Variants in SYN3 observed in about 807,000 individuals in gnomAD.
The protein encoded by SYN3 is synapsin III.
A neutral mutation model predicts 65.8 loss-of-function variants in SYN3; 35 were observed. That is an observed-to-expected ratio of 0.53 (90% CI 0.41 to 0.70). The LOEUF is 0.70. Among genes scored for constraint, SYN3 ranks in the 30% least tolerant of loss-of-function variants. The pLI is 0.00. For missense variants in SYN3, 680 were observed against 749.0 expected, an observed-to-expected ratio of 0.91 and a Z score of 1.08; for synonymous variants, 270 against 292.9, an observed-to-expected ratio of 0.92 and a Z score of 0.80.
At chr22:32,761,932 G>C (rs2045492506) in intron 6 of SYN3, among the ~76,000 whole-genome samples, 2 of 152,154 alleles carry the variant, frequency 1.3e-5, no homozygotes, top group Non-Finnish European at 2.9e-5. Context: ...CTGAAAACGG[G>C]GTCCTGCGGG....
Position 32,689,941 on chromosome 22 carries a change from C to T in SYN3, c.712-93205G>A, listed in dbSNP as rs773959263. 5.4e-3 allele frequency among the ~76,000 whole-genome samples: 819 copies of T among 152,082 alleles called. 9 individuals carry two copies. Among genetic ancestry groups the T allele is most frequent in the Middle Eastern group, 0.041 (12 of 294 alleles). ...CTGTAATCCCAGCATTTTGGGAAGC[C>T]GAGGCAGGAGGATTACCTGAGGTCA... On this transcript the variant is annotated intron_variant, in intron 6 of 13. Transcript: ENST00000358763.
At chr22:33,018,943 C>T (rs148752288) in intron 1 of SYN3, among the ~76,000 whole-genome samples, 1 of 152,310 alleles carries the variant, frequency 6.6e-6, no homozygotes, top group East Asian at 1.9e-4. Context: ...TCTTCAGCAT[C>T]ATCCCCTCCT....
intron 6 of SYN3, among the ~76,000 whole-genome samples, chr22:32,745,062 CGGG>C (rs67666935): frequency 0.045 from 6,811 of 152,154 alleles, 528 homozygotes; most frequent in African/African-American, 0.15. Context: ...ACTCTTCTGA[CGGG>C]TTAGGAATGA....
In SYN3 at chr22:32,685,403, G is replaced by A. The variant is rs368402752; in HGVS notation, c.712-88667C>T. ...GAAATATAGTCATGTGCCACATAAC[G>A]ACACTGTAGTCAGTGATGAACCGCA... On this transcript the variant is annotated intron_variant, in intron 6 of 13. Transcript: ENST00000358763. 4.2e-3 allele frequency among the ~76,000 whole-genome samples: 642 copies of A among 152,302 alleles called. 3 individuals carry two copies. The highest frequency in any genetic ancestry group is 0.014 in the African/African-American group (580 of 41,548).
intron 3 of SYN3, among the ~76,000 whole-genome samples, chr22:32,949,465 C>T (rs549339509): frequency 4.0e-5 from 6 of 151,872 alleles, no homozygotes; most frequent in South Asian, 2.1e-4. Flanking sequence ...TTTGGATTTT[C>T]GGACTTGGGA....
At chr22:32,829,531 C>T (rs959589782) in intron 6 of SYN3, among the ~76,000 whole-genome samples, 1 of 152,242 alleles carries the variant, frequency 6.6e-6, no homozygotes, top group Non-Finnish European at 1.5e-5. Context: ...GCATCCCCAC[C>T]GCAGCAGGGC....
intron 6 of SYN3, among the ~76,000 whole-genome samples, chr22:32,789,557 C>T (rs2046272534): frequency 6.6e-6 from 1 of 152,174 alleles, no homozygotes. Flanking sequence ...AAGAAATGAA[C>T]CTCAAACACA....
At chr22:33,007,693 G>C (rs970015486) in intron 1 of SYN3, among the ~76,000 whole-genome samples, 10 of 152,208 alleles carry the variant, frequency 6.6e-5, no homozygotes, top group African/African-American at 9.6e-5. Flanking sequence ...CTGACACCCT[G>C]ACCTTGGACT....
In SYN3 at chr22:32,518,105, G is replaced by A. The variant is rs755328764; in HGVS notation, c.1548C>T (p.Gly516=). The A allele has an allele frequency of 1.9e-6, 3 of 1,584,088 alleles. No individual in the cohort carries two copies. The highest frequency in any genetic ancestry group is 2.3e-5 in the South Asian group (2 of 85,188). ...LASQPRPPVQ[G]RSTSQQGEES... Reference sequence around the variant, plus strand: ...CTTCACCCTGCTGGGAGGTACTACGGCCCTGCACAGGGGGCCGGGGCTGTG... The same window carrying A: ...CTTCACCCTGCTGGGAGGTACTACGACCCTGCACAGGGGGCCGGGGCTGTG... Residue 516 remains glycine, a synonymous_variant, in exon 13 of 14, where the codon GGC becomes GGT. Transcript: ENST00000358763.
chr22:32,566,263 T>A (rs901785215), intron 7 of SYN3, among the ~76,000 whole-genome samples: 2 of 152,228 alleles, frequency 1.3e-5, no homozygotes, highest in Non-Finnish European at 2.9e-5. Context: ...GAATTGGGTG[T>A]GTATTTTATA....
chr22:33,021,489 A>G (rs2053558664), intron 1 of SYN3, among the ~76,000 whole-genome samples: 1 of 152,226 alleles, frequency 6.6e-6, no homozygotes, highest in South Asian at 2.1e-4. Flanking sequence ...ACAATGGTAC[A>G]TTAGATAAGA....
At chr22:32,519,215 G>A (rs1445426624) in intron 12 of SYN3, among the ~76,000 whole-genome samples, 1 of 152,100 alleles carries the variant, frequency 6.6e-6, no homozygotes, top group African/African-American at 2.4e-5. Context: ...CTGCGATTCT[G>A]CATTTCTAAC....
At chr22:32,559,547 G>T (rs1246361147) in intron 7 of SYN3, among the ~76,000 whole-genome samples, 1 of 152,212 alleles carries the variant, frequency 6.6e-6, no homozygotes. Context: ...AAAAAACCTT[G>T]GCCGGGCGCG....
intron 1 of SYN3, among the ~76,000 whole-genome samples, chr22:33,041,294 C>CT (rs531793626): frequency 0.029 from 3,715 of 129,284 alleles, 105 homozygotes; most frequent in African/African-American, 0.07. Context: ...GGAACTCTTT[C>CT]TTTTTTTTTT....
chr22:32,878,001 C>G (rs138991063), intron 4 of SYN3, among the ~76,000 whole-genome samples: 1 of 152,220 alleles, frequency 6.6e-6, no homozygotes, highest in East Asian at 1.9e-4. Context: ...AAGGTAGATA[C>G]GATAATAATA....
At chr22:32,573,060 A>G (rs972756500) in intron 7 of SYN3, among the ~76,000 whole-genome samples, 10 of 152,230 alleles carry the variant, frequency 6.6e-5, no homozygotes, top group African/African-American at 2.4e-4. Context: ...TGTTAGGTTG[A>G]AATCATTTGT....
intron 6 of SYN3, among the ~76,000 whole-genome samples, chr22:32,780,230 G>A (rs1179697421): frequency 6.6e-6 from 1 of 152,148 alleles, no homozygotes; most frequent in Non-Finnish European, 1.5e-5. Context: ...TGTCTGGTCT[G>A]TGCTTTGCTG....
intron 6 of SYN3, among the ~76,000 whole-genome samples, chr22:32,702,788 T>C (rs927738699): frequency 6.6e-6 from 1 of 152,228 alleles, no homozygotes; most frequent in African/African-American, 2.4e-5. Context: ...GTGTGAATAT[T>C]GCAGTTGTTT....
At chr22:32,710,075 G>GCACACACA (rs55879257) in intron 6 of SYN3, among the ~76,000 whole-genome samples, 41 of 131,444 alleles carry the variant, frequency 3.1e-4, no homozygotes, top group Non-Finnish European at 3.9e-4. Context: ...ATATATATAT[G>GCACACACA]CACACACACA....
Sources: gnomAD v4.1 joint callset for allele counts (sites outside exome capture counted in the v4.1 genomes callset) on GRCh38, gnomAD v4.1.1 for gene constraint, MANE v1.5 for transcripts, NCBI Gene and HGNC (gene_info 2026-07-23, HGNC 2026-07-21) for gene names.